The following OTOP1 variants were observed in gnomAD, a reference collection of about 807,000 sequenced individuals.
OTOP1 encodes the protein proton channel OTOP1.
OTOP1 carries 59 observed loss-of-function variants against 52.9 expected under a neutral mutation model. The observed-to-expected ratio is 1.12, with a 90% CI of 0.91 to 1.39. The LOEUF (loss-of-function observed/expected upper bound fraction) is 1.39. OTOP1 is among the 40% of genes most tolerant of loss of function. OTOP1 has a pLI of 0.00. For synonymous variants in OTOP1, 317 were observed against 337.7 expected, an observed-to-expected ratio of 0.94 and a Z score of 0.67; for missense variants, 761 against 800.9, an observed-to-expected ratio of 0.95 and a Z score of 0.60.
chr4:4,196,844 A>G (rs1470653348), intron 5 of OTOP1, among the ~76,000 whole-genome samples: 15 of 152,254 alleles, frequency 9.9e-5, no homozygotes, highest in African/African-American at 3.4e-4. Flanking sequence ...GCCTTATCCT[A>G]AGTGAATTAA....
In OTOP1 at chr4:4,226,742, G is replaced by C; in HGVS notation, c.123C>G (p.Ser41=). ...PSSSAPRSPE[S]PAPRRGGVRA... Reference sequence around the variant, plus strand: ...GCACACCGCCCCGCCGGGGGGCCGGGGATTCCGGGGACCTCGGGGCCGAGG... The same window carrying C: ...GCACACCGCCCCGCCGGGGGGCCGGCGATTCCGGGGACCTCGGGGCCGAGG... The change falls in exon 1 of 6, where the codon TCC becomes TCG. Residue 41 remains serine, a synonymous_variant. Transcript: ENST00000296358. 3.6e-6 allele frequency: 5 copies of C among 1,394,752 alleles called. No homozygotes were observed. Among genetic ancestry groups the C allele is most frequent in the Non-Finnish European group, 4.7e-6 (5 of 1,073,542 alleles). 86.4% of individuals were successfully genotyped at this position (1,394,752 alleles called of 1,614,324 possible). A position where few individuals can be genotyped will look rare whatever the true frequency, so the allele number is the denominator to read the frequency against.
intron 5 of OTOP1, among the ~76,000 whole-genome samples, chr4:4,191,088 T>C (rs113579240): frequency 1.3e-5 from 2 of 152,174 alleles, no homozygotes; most frequent in African/African-American, 2.4e-5. Context: ...CCCATTTCTC[T>C]ATCTGCTCAG....
At position 4,197,358 on chromosome 4, in the gene OTOP1, G is replaced by A. The variant is rs764269321; in HGVS notation, c.1476C>T (p.Gly492=). The change falls in exon 5 of 6, where the codon GGC becomes GGT. Residue 492 remains glycine, a synonymous_variant. Transcript: ENST00000296358. ...GGVARDVAPQ[G]KDMPPAANGN... ...CATTGGCTGCTGGTGGCATGTCCTTGCCCTGGGGAGCCACATCTCTGGCCA... is the reference window on the plus strand; with the variant it reads ...CATTGGCTGCTGGTGGCATGTCCTTACCCTGGGGAGCCACATCTCTGGCCA... 8.7e-6 allele frequency: 14 copies of A among 1,614,046 alleles called. No homozygotes were observed. The highest frequency in any genetic ancestry group is 3.3e-5 in the Admixed American group (2 of 60,022).
At chr4:4,202,041 G>C (rs1716800416) in intron 4 of OTOP1, among the ~76,000 whole-genome samples, 1 of 152,064 alleles carries the variant, frequency 6.6e-6, no homozygotes, top group Admixed American at 6.6e-5. Context: ...CCTACCATTA[G>C]ACTCCTATGA....
intron 5 of OTOP1, among the ~76,000 whole-genome samples, chr4:4,196,395 A>G (rs1451859298): frequency 6.6e-6 from 1 of 152,144 alleles, no homozygotes; most frequent in East Asian, 1.9e-4. Flanking sequence ...TCTACTAAAA[A>G]TATTTTCAAA....
intron 1 of OTOP1, among the ~76,000 whole-genome samples, chr4:4,225,608 GAGCTC>G (rs1242043628): frequency 3.4e-5 from 5 of 145,562 alleles, no homozygotes; most frequent in Non-Finnish European, 7.5e-5. Flanking sequence ...GAGGAAGAAA[GAGCTC>G]CTATCTTGAC....
chr4:4,214,484 T>C (rs76641635), intron 1 of OTOP1, among the ~76,000 whole-genome samples: 1 of 152,058 alleles, frequency 6.6e-6, no homozygotes, highest in Non-Finnish European at 1.5e-5. Context: ...GCAGGGACCC[T>C]AGGGGATATC....
chr4:4,209,384 G>C (rs1260545824), intron 2 of OTOP1, among the ~76,000 whole-genome samples: 1 of 152,048 alleles, frequency 6.6e-6, no homozygotes, highest in Non-Finnish European at 1.5e-5. Context: ...AAAGCACATG[G>C]TAAGTGTCCA....
chr4:4,197,025 C>G, intron 5 of OTOP1, 141 bp downstream of exon 5: 8 of 929,730 alleles, frequency 8.6e-6, no homozygotes, highest in Non-Finnish European at 4.8e-6. Flanking sequence ...TGCTCATTAC[C>G]TGGGTGATGG....
At position 4,197,897 on chromosome 4, in the gene OTOP1, C is replaced by A. The variant is rs115843191; in HGVS notation, c.937G>T (p.Val313Leu). 4.4e-4 allele frequency: 713 copies of A among 1,614,122 alleles called. 2 individuals carry two copies. In the African/African-American group the frequency reaches 8.3e-3, roughly 19 times the overall value. Residue 313 changes from valine to leucine, a missense_variant, in exon 5 of 6, where the codon GTG (valine) becomes TTG (leucine). By Grantham distance (32) the Val-to-Leu change is conservative. Around this residue, in one of 3 missense-constraint regions of OTOP1, gnomAD observed 632 missense variants for 619.5 expected, o/e 1.02. Coordinates refer to ENST00000296358, the MANE Select transcript of OTOP1 (RefSeq NM_177998.3). The stretch of plus-strand genomic sequence containing the variant: ...ACGGTCAGGCCCAGGACTGCGCCCA[C>A]CATGACCCCATCAGACTTGAACTGC... ...KMQFKSDGVMVGAVLGLTVLA... is the reference protein window; with the variant it reads ...KMQFKSDGVMLGAVLGLTVLA...
At chr4:4,225,034 G>A (rs1464393792) in intron 1 of OTOP1, among the ~76,000 whole-genome samples, 1 of 152,228 alleles carries the variant, frequency 6.6e-6, no homozygotes, top group Non-Finnish European at 1.5e-5. Flanking sequence ...GGGTAAGGAA[G>A]GCAATCAGGT....
chr4:4,196,112 T>C (rs949074161), intron 5 of OTOP1, among the ~76,000 whole-genome samples: 4 of 152,196 alleles, frequency 2.6e-5, no homozygotes, highest in Non-Finnish European at 4.4e-5. Context: ...CCATCAATAA[T>C]GGACTGGATA....
chr4:4,218,729 A>T (rs942087495), intron 1 of OTOP1, among the ~76,000 whole-genome samples: 2 of 152,134 alleles, frequency 1.3e-5, no homozygotes, highest in African/African-American at 4.8e-5. Flanking sequence ...GGAGTTCGAG[A>T]CCAGCCGGGC....
At chr4:4,217,500 T>C (rs1028097741) in intron 1 of OTOP1, among the ~76,000 whole-genome samples, 1 of 152,210 alleles carries the variant, frequency 6.6e-6, no homozygotes, top group African/African-American at 2.4e-5. Flanking sequence ...CAAAATGTAA[T>C]TTTTTCAACA....
chr4:4,213,211 T>G (rs760050065), intron 1 of OTOP1, among the ~76,000 whole-genome samples: 7 of 152,200 alleles, frequency 4.6e-5, no homozygotes, highest in Non-Finnish European at 1.0e-4. Context: ...TGCAAACGAA[T>G]GAATTTGGAC....
chr4:4,209,792 C>G (rs1470115616), intron 2 of OTOP1, among the ~76,000 whole-genome samples: 1 of 152,122 alleles, frequency 6.6e-6, no homozygotes, highest in African/African-American at 2.4e-5. Context: ...TGCAATCTGA[C>G]CAGAGTGCAA....
intron 1 of OTOP1, 74 bp downstream of exon 1, chr4:4,226,388 G>A: frequency 1.5e-6 from 2 of 1,314,536 alleles, no homozygotes; most frequent in Non-Finnish European, 2.0e-6. Context: ...GCGGTAGGAA[G>A]GGCGCAGAGC....
intron 2 of OTOP1, among the ~76,000 whole-genome samples, chr4:4,209,933 T>C: frequency 6.6e-6 from 1 of 152,132 alleles, no homozygotes; most frequent in East Asian, 1.9e-4. Flanking sequence ...CCACTACACC[T>C]GTGCTCCTCC....
At chr4:4,196,338 G>A (rs1027224089) in intron 5 of OTOP1, among the ~76,000 whole-genome samples, 6 of 152,116 alleles carry the variant, frequency 3.9e-5, no homozygotes, top group South Asian at 4.1e-4. Flanking sequence ...GATCACTTGA[G>A]GTCAGGAGTT....
Sources: allele counts gnomAD v4.1 joint callset (sites outside exome capture counted in the v4.1 genomes callset), GRCh38; gene constraint gnomAD v4.1.1; regional missense constraint gnomAD v4.1.1; transcripts MANE v1.5; gene names NCBI Gene and HGNC (gene_info 2026-07-23, HGNC 2026-07-21).